USP12: variants seen among roughly 807,000 people sequenced by gnomAD.
USP12 encodes the protein ubiquitin carboxyl-terminal hydrolase 12.
A neutral mutation model predicts 45.5 loss-of-function variants in USP12; 19 were observed. That is an observed-to-expected ratio of 0.42 (90% CI 0.29 to 0.61). The LOEUF (loss-of-function observed/expected upper bound fraction) is 0.61, where lower values mean the gene tolerates loss of function less well. Ranked by LOEUF, USP12 falls within the 20% of genes least tolerant of loss-of-function variation. The pLI is 0.22. For missense variants in USP12, 242 were observed against 447.7 expected (o/e 0.54, Z 4.15); for synonymous variants, 149 against 148.8 (o/e 1.00, Z -0.01).
chr13:27,105,617 T>TC, intron 3 of USP12, 114 bp downstream of exon 3: 1 of 1,024,188 alleles, frequency 9.8e-7, no homozygotes. Context: ...CCTTGTTTCT[T>TC]CAACAGCTAA....
rs116326384 is a variant in USP12, at chr13:27,136,223, C to T, written c.49-19627G>A. 2.9e-3 allele frequency among the ~76,000 whole-genome samples: 446 copies of T among 152,298 alleles called. 3 individuals are homozygous for T. Among genetic ancestry groups the T allele is most frequent in the African/African-American group, 0.01 (419 of 41,552 alleles). On this transcript the variant is annotated intron_variant, in intron 1 of 8. Transcript: ENST00000282344. Reference sequence around the variant, plus strand: ...AACAGACCTTAATAAAGACCCTTGGCGGGGCGCGGTGCTCACGCCTGTAAT... The same window carrying T: ...AACAGACCTTAATAAAGACCCTTGGTGGGGCGCGGTGCTCACGCCTGTAAT...
At chr13:27,074,810 C>T (rs909210905) in intron 7 of USP12, among the ~76,000 whole-genome samples, 86 of 152,072 alleles carry the variant, frequency 5.7e-4, no homozygotes, top group Non-Finnish European at 1.1e-3. Context: ...ATTTCCAATG[C>T]CATTTTAAAA....
chr13:27,157,886 C>T (rs2137839469), intron 1 of USP12, among the ~76,000 whole-genome samples: 1 of 152,290 alleles, frequency 6.6e-6, no homozygotes, highest in Middle Eastern at 3.4e-3. Context: ...TTATTATACA[C>T]AAAGCTGGTC....
intron 1 of USP12, among the ~76,000 whole-genome samples, chr13:27,162,028 G>A (rs537163634): frequency 6.6e-6 from 1 of 152,262 alleles, no homozygotes; most frequent in African/African-American, 2.4e-5. Flanking sequence ...ACTACGCTTT[G>A]TCAAAGGTAA....
At chr13:27,152,483 A>C (rs952693182) in intron 1 of USP12, among the ~76,000 whole-genome samples, 9 of 152,160 alleles carry the variant, frequency 5.9e-5, no homozygotes, top group African/African-American at 2.2e-4. Context: ...GAGGGAAAGG[A>C]AAGAAGGAGG....
At chr13:27,113,014 G>A (rs539826833) in intron 2 of USP12, among the ~76,000 whole-genome samples, 1 of 152,248 alleles carries the variant, frequency 6.6e-6, no homozygotes, top group African/African-American at 2.4e-5. Flanking sequence ...CAGGAGGATC[G>A]CTTGAGACCA....
At chr13:27,148,721 G>C (rs1277138478) in intron 1 of USP12, among the ~76,000 whole-genome samples, 3 of 143,514 alleles carry the variant, frequency 2.1e-5, no homozygotes, top group Non-Finnish European at 4.5e-5. Flanking sequence ...GCACAAAAGA[G>C]GTAGGTTGAA....
At chr13:27,118,517 T>A (rs114351528) in intron 1 of USP12, among the ~76,000 whole-genome samples, 1 of 152,152 alleles carries the variant, frequency 6.6e-6, no homozygotes, top group Admixed American at 6.5e-5. Flanking sequence ...GATGGGAATA[T>A]TGCAAGCCCT....
At chr13:27,126,623 A>T (rs1375281624) in intron 1 of USP12, among the ~76,000 whole-genome samples, 1 of 152,068 alleles carries the variant, frequency 6.6e-6, no homozygotes, top group Non-Finnish European at 1.5e-5. Context: ...TCTAATATAA[A>T]CTAAACTACT....
chr13:27,094,873 C>T (rs1226430819), intron 4 of USP12, among the ~76,000 whole-genome samples: 1 of 152,070 alleles, frequency 6.6e-6, no homozygotes, highest in African/African-American at 2.4e-5. Flanking sequence ...ACTGGCCGGG[C>T]ATAATGGCTC....
At chr13:27,084,217 C>G (rs1406611306) in intron 6 of USP12, among the ~76,000 whole-genome samples, 1 of 99,028 alleles carries the variant, frequency 1.0e-5, no homozygotes, top group Non-Finnish European at 2.2e-5. Flanking sequence ...CACACACACA[C>G]AAATTCCTGT....
At chr13:27,085,099 T>C (rs533168998) in intron 6 of USP12, among the ~76,000 whole-genome samples, 2 of 152,320 alleles carry the variant, frequency 1.3e-5, no homozygotes, top group East Asian at 3.9e-4. Context: ...TCTTCTGCCA[T>C]GTAAGTTTAT....
chr13:27,069,965 A>T lies in USP12; in HGVS notation c.1012-581T>A, dbSNP rs55778211. 1.0e-2 allele frequency among the ~76,000 whole-genome samples: 1,517 copies of T among 152,288 alleles called. 30 individuals carry two copies. The highest frequency in any genetic ancestry group is 0.034 in the African/African-American group (1,420 of 41,578). On this transcript the variant is annotated intron_variant, in intron 8 of 8. Transcript: ENST00000282344. ...CCAAAACAACAAAAAGGCAACTTCT[A>T]GTGGTCCAACCTAACATATATCCAA...
Position 27,070,843 on chromosome 13 carries a change from G to A in USP12, c.1011+228C>T, listed in dbSNP as rs552679649. Reference sequence around the variant, plus strand: ...GCTGGGATTACAGGCGTGAGCCACCGCACCTGGCCTCCCTTGTTTTATTCT... The same window carrying A: ...GCTGGGATTACAGGCGTGAGCCACCACACCTGGCCTCCCTTGTTTTATTCT... On this transcript the variant is annotated intron_variant, in intron 8 of 8. Transcript: ENST00000282344. 9.8e-5 allele frequency among the ~76,000 whole-genome samples: 15 copies of A among 152,298 alleles called. No individual in the cohort carries two copies. The East Asian group carries it at 2.1e-3, about 22-fold the overall frequency.
intron 1 of USP12, among the ~76,000 whole-genome samples, chr13:27,149,365 C>T (rs1877464345): frequency 6.6e-6 from 1 of 152,110 alleles, no homozygotes; most frequent in South Asian, 2.1e-4. Context: ...AACTTCTACT[C>T]AATACTGTAC....
intron 7 of USP12, among the ~76,000 whole-genome samples, chr13:27,073,908 C>T (rs1388029268): frequency 6.6e-6 from 1 of 152,150 alleles, no homozygotes; most frequent in Non-Finnish European, 1.5e-5. Context: ...ACTCTGAAAA[C>T]CCGGTCTGAA....
intron 4 of USP12, among the ~76,000 whole-genome samples, chr13:27,095,070 G>C (rs1874511662): frequency 6.6e-6 from 1 of 152,096 alleles, no homozygotes; most frequent in Admixed American, 6.5e-5. Context: ...TGGAAGGATT[G>C]CTTGAGCCCA....
At chr13:27,116,229 G>A (rs1318300101) in intron 2 of USP12, among the ~76,000 whole-genome samples, 1 of 150,466 alleles carries the variant, frequency 6.6e-6, no homozygotes, top group Non-Finnish European at 1.5e-5. Flanking sequence ...GGAGAATGGC[G>A]TGAACCCGGG....
intron 7 of USP12, among the ~76,000 whole-genome samples, chr13:27,074,128 C>T (rs1449249386): frequency 6.6e-6 from 1 of 152,170 alleles, no homozygotes; most frequent in Non-Finnish European, 1.5e-5. Context: ...AGGCCGGGCG[C>T]GGTGGCTCAC....
Sources: allele counts gnomAD v4.1 joint callset (sites outside exome capture counted in the v4.1 genomes callset), GRCh38; gene constraint gnomAD v4.1.1; transcripts MANE v1.5; gene names NCBI Gene and HGNC (gene_info 2026-07-23, HGNC 2026-07-21).